Variants in PCCB observed in about 807,000 individuals in gnomAD.
The protein encoded by PCCB is propionyl-CoA carboxylase beta chain, mitochondrial.
Under a neutral mutation model 60.7 loss-of-function variants are expected in PCCB, and 43 were observed. The ratio of observed to expected loss-of-function variants is 0.71; its 90% confidence interval spans 0.55 to 0.91. PCCB has a LOEUF of 0.91. PCCB is among the 40% of genes least tolerant of loss of function. The probability of loss-of-function intolerance (pLI) is 0.00; values close to 1 mark genes in which losing one functional copy is unlikely to be tolerated. For missense variants in PCCB, 766 were observed against 702.8 expected (o/e 1.09, Z -1.02); for synonymous variants, 276 against 255.9 (o/e 1.08, Z -0.75).
chr3:136,278,943 T>C (rs1298486427), intron 5 of PCCB, among the ~76,000 whole-genome samples: 1 of 152,238 alleles, frequency 6.6e-6, no homozygotes, highest in Non-Finnish European at 1.5e-5. Flanking sequence ...TGTTAACTTT[T>C]GCTTTGTGTA....
In PCCB at chr3:136,250,429, G is replaced by A. The variant is rs1343618692; in HGVS notation, c.54G>A (p.Ala18=). 1.3e-6 allele frequency: 2 copies of A among 1,592,486 alleles called. No homozygotes were observed. The highest frequency in any genetic ancestry group is 1.7e-6 in the Non-Finnish European group (2 of 1,169,666). ...TCGGGGCAAGGCTCAGCGTTCTGGC[G>A]AGCGGTCTCCGCGCCGCGGTCCGCA... is the stretch of plus-strand genomic sequence containing the variant. ...AAVGARLSVL[A]SGLRAAVRSL... is the part of the protein sequence containing the mutation. The change falls in exon 1 of 15, where the codon GCG becomes GCA. Residue 18 remains alanine (A), a synonymous_variant. Transcript: ENST00000251654.
chr3:136,250,684 G>A (rs1941490469), intron 1 of PCCB, 126 bp downstream of exon 1: 1 of 945,682 alleles, frequency 1.1e-6, no homozygotes, highest in East Asian at 2.7e-5. Context: ...CGGAGCAAGG[G>A]TGTTCACCTT....
rs1941675966 is a variant in PCCB, at chr3:136,256,574, T to G, written c.323T>G (p.Val108Gly). The G allele has an allele frequency of 6.2e-7, 1 of 1,612,974 alleles. No individual in the cohort carries two copies. The highest frequency in any genetic ancestry group is 8.5e-7 in the Non-Finnish European group (1 of 1,179,008). ...TGGTAGTTTCCTGGAGACAGCGTGGTCACTGGACGAGGCCGAATCAATGGA... is the reference window on the plus strand; with the variant it reads ...TGGTAGTTTCCTGGAGACAGCGTGGGCACTGGACGAGGCCGAATCAATGGA... ...DKNKFPGDSVVTGRGRINGRL... is the reference protein window; with the variant it reads ...DKNKFPGDSVGTGRGRINGRL... Residue 108 changes from valine (V) to glycine (G), a missense_variant, in exon 3 of 15, where the codon GTC becomes GGC. Transcript: ENST00000251654.
chr3:136,289,451 C>T (rs1455310705), intron 6 of PCCB, among the ~76,000 whole-genome samples: 1 of 152,204 alleles, frequency 6.6e-6, no homozygotes, highest in African/African-American at 2.4e-5. Flanking sequence ...TATAGCTACT[C>T]CTGATTTCTT....
intron 3 of PCCB, among the ~76,000 whole-genome samples, chr3:136,259,013 C>T (rs1159469727): frequency 6.6e-6 from 1 of 152,058 alleles, no homozygotes; most frequent in Non-Finnish European, 1.5e-5. Flanking sequence ...TTCTTATTCT[C>T]ACAGCTGATT....
chr3:136,283,387 C>T (rs947589370), intron 5 of PCCB, among the ~76,000 whole-genome samples: 2 of 152,122 alleles, frequency 1.3e-5, no homozygotes, highest in East Asian at 1.9e-4. Context: ...TGTACCCTTG[C>T]GTGCCTTCTG....
intron 10 of PCCB, among the ~76,000 whole-genome samples, chr3:136,320,682 T>C (rs1342027789): frequency 6.6e-6 from 1 of 152,250 alleles, no homozygotes; most frequent in African/African-American, 2.4e-5. Context: ...TGGTGAATAT[T>C]GTGAATATTA....
intron 10 of PCCB, among the ~76,000 whole-genome samples, chr3:136,322,729 C>G (rs1260746342): frequency 6.6e-6 from 1 of 152,128 alleles, no homozygotes; most frequent in African/African-American, 2.4e-5. Context: ...GTCTAGTGTT[C>G]TTTTCTTTTA....
chr3:136,327,587 A>G, intron 12 of PCCB, 47 bp from the exon 13 acceptor site: 4 of 1,412,716 alleles, frequency 2.8e-6, no homozygotes, highest in Non-Finnish European at 4.0e-6. Flanking sequence ...CAGGGACATG[A>G]TCTGGCTGTC....
At chr3:136,278,154 C>G (rs542152569) in intron 5 of PCCB, among the ~76,000 whole-genome samples, 1 of 152,180 alleles carries the variant, frequency 6.6e-6, no homozygotes, top group Non-Finnish European at 1.5e-5. Context: ...GCCACTGTTT[C>G]TACTTTTATA....
At chr3:136,287,635 G>C (rs760549396) in intron 6 of PCCB, among the ~76,000 whole-genome samples, 3 of 152,082 alleles carry the variant, frequency 2.0e-5, no homozygotes, top group Non-Finnish European at 4.4e-5. Flanking sequence ...GGATTTTGCT[G>C]TGTTGGCCAG....
At chr3:136,283,472 G>T (rs1942530353) in intron 5 of PCCB, among the ~76,000 whole-genome samples, 1 of 152,128 alleles carries the variant, frequency 6.6e-6, no homozygotes, top group Non-Finnish European at 1.5e-5. Context: ...TCTGCATGAG[G>T]TTTTCAGTCT....
intron 5 of PCCB, among the ~76,000 whole-genome samples, chr3:136,277,589 C>T (rs552357856): frequency 1.9e-4 from 29 of 151,820 alleles, no homozygotes; most frequent in African/African-American, 5.6e-4. Flanking sequence ...TGGGGAAAGC[C>T]GTGGCTCCTA....
intron 13 of PCCB, among the ~76,000 whole-genome samples, chr3:136,328,183 C>G (rs1453704164): frequency 6.6e-6 from 1 of 152,152 alleles, no homozygotes; most frequent in Non-Finnish European, 1.5e-5. Context: ...CAAGGTACTT[C>G]CTATTGCTTG....
At position 136,260,466 on chromosome 3, in the gene PCCB, ATTTTCTTT is replaced by A. The variant is rs1559997797; in HGVS notation, c.373-10_373-3del. 6.2e-7 allele frequency: 1 copy of A among 1,608,698 alleles called. No individual in the cohort carries two copies. Among genetic ancestry groups the A allele is most frequent in the African/African-American group, 1.3e-5 (1 of 74,928 alleles). ...CACTATATTTGACTTGCTGATTTGT[ATTTTCTTT>A]TTAGGATTTTACAGTTTTTGGAGGC... On this transcript the variant is annotated splice_polypyrimidine_tract_variant and splice_region_variant and intron_variant, in intron 3 of 14. Transcript: ENST00000251654.
intron 10 of PCCB, among the ~76,000 whole-genome samples, chr3:136,318,899 C>G (rs867317613): frequency 3.9e-5 from 6 of 152,272 alleles, no homozygotes; most frequent in African/African-American, 1.4e-4. Flanking sequence ...TCTGTTTGAA[C>G]CTCAGTTTTC....
chr3:136,306,900 G>A lies in PCCB; in HGVS notation c.966+5789G>A, dbSNP rs898275268. On this transcript the variant is annotated intron_variant, in intron 9 of 14. Transcript: ENST00000251654. ...TATAATGAAAGAGCACACTGAGCACGTGGGAAAATTGACCCAGAATTGTCA... is the reference window on the plus strand; with the variant it reads ...TATAATGAAAGAGCACACTGAGCACATGGGAAAATTGACCCAGAATTGTCA... 1.6e-5 allele frequency among the ~76,000 whole-genome samples: 2 copies of A among 122,740 alleles called. 1 individual carries two copies. The highest frequency in any genetic ancestry group is 5.0e-5 in the African/African-American group (2 of 40,184). The allele number at this position is 122,740 out of a possible 152,430, so 80.5% of individuals were successfully genotyped here.
In PCCB at chr3:136,280,498, A is replaced by C. The variant is rs992763388; in HGVS notation, c.544-3339A>C. On this transcript the variant is annotated intron_variant, in intron 5 of 14. Transcript: ENST00000251654. Reference sequence around the variant, plus strand: ...GTAGCTGGGGCCATAGGCATGCACCACCATGCCTAGCTAATTTTTGTATAT... The same window carrying C: ...GTAGCTGGGGCCATAGGCATGCACCCCCATGCCTAGCTAATTTTTGTATAT... Among the ~76,000 whole-genome samples, 4 of 152,206 alleles carry C rather than the reference A, an allele frequency of 2.6e-5. No homozygotes were observed. The East Asian group carries it at 7.7e-4, about 29-fold the overall frequency.
At chr3:136,314,885 A>C (rs750633244) in intron 9 of PCCB, among the ~76,000 whole-genome samples, 3 of 152,216 alleles carry the variant, frequency 2.0e-5, no homozygotes, top group Non-Finnish European at 2.9e-5. Flanking sequence ...TAGTAACTTT[A>C]CAAGGAAACC....
Sources: allele counts gnomAD v4.1 joint callset (sites outside exome capture counted in the v4.1 genomes callset), GRCh38; gene constraint gnomAD v4.1.1; transcripts MANE v1.5; gene names NCBI Gene and HGNC (gene_info 2026-07-23, HGNC 2026-07-21).